Variants in NALF2 observed in about 807,000 individuals in gnomAD.
NALF2 encodes the protein bB57D9.1 (TED protein).
A neutral mutation model predicts 24.8 loss-of-function variants in NALF2; 1 was observed. The ratio of observed to expected loss-of-function variants is 0.04; its 90% CI spans 0.01 to 0.19. The LOEUF (loss-of-function observed/expected upper bound fraction) is 0.19, where lower values mean the gene tolerates loss of function less well. Ranked by LOEUF, NALF2 falls within the 10% of genes least tolerant of loss-of-function variation. The pLI is 1.00. For missense variants in NALF2, 458 were observed against 409.6 expected (o/e 1.12, Z -1.02); for synonymous variants, 254 against 189.8 (o/e 1.34, Z -2.78).
At chrX:69,515,080 C>T (rs887245351) in intron 1 of NALF2, among the ~76,000 whole-genome samples, 1 of 112,082 alleles carries the variant, frequency 8.9e-6, no homozygotes, top group Admixed American at 9.4e-5. Flanking sequence ...TTCTTTTTTA[C>T]GAATAAATGC....
chrX:69,506,229 C>G lies in NALF2; in HGVS notation c.861+86C>G, dbSNP rs1930484817. 1.5e-5 allele frequency: 15 copies of G among 1,016,624 alleles called. 1 individual carries two copies. The South Asian group carries it at 3.0e-4, about 20-fold the overall frequency. 83.8% of individuals were successfully genotyped at this position (1,016,624 alleles called of 1,213,427 possible). ...GACCGGGAGAAAAAAGGAAGTCTCC[C>G]TTTCTACCCACCCCACCACTCCCAC... On this transcript the variant is annotated intron_variant, in intron 1 of 2. Transcript: ENST00000252338.
rs773624045 is a variant in NALF2 at position 69,522,594 on chromosome X, A to G, written c.862-6399A>G. On this transcript the variant is annotated intron_variant, in intron 1 of 2. Coordinates refer to ENST00000252338, the MANE Select transcript of NALF2 (RefSeq NM_015686.3). Reference sequence around the variant, plus strand: ...TTTACAGCCACTTAAGTAGAACCCTATTATCCACCTGGATTTGCCCTTTAA... The same window carrying G: ...TTTACAGCCACTTAAGTAGAACCCTGTTATCCACCTGGATTTGCCCTTTAA... 7.1e-5 allele frequency among the ~76,000 whole-genome samples: 8 copies of G among 112,187 alleles called. No individual in the cohort carries two copies. In the South Asian group the frequency reaches 1.1e-3, roughly 16 times the overall value.
In NALF2 at chrX:69,505,532, G is replaced by T. The variant is rs887008201; in HGVS notation, c.250G>T (p.Ala84Ser). Residue 84 changes from alanine (A) to serine (S), a missense_variant, in exon 1 of 3, where the codon GCC becomes TCC. Transcript: ENST00000252338. The stretch of plus-strand genomic sequence containing the variant: ...CAGCGCCATGCGGCCCCCATGGGGG[G>T]CCGGCCGGGAGCGGCAGCCGGTGCC... ...LSSAMRPPWG[A>S]GRERQPVPPR... 62 of 961,534 alleles carry T rather than the reference G, an allele frequency of 6.4e-5. No homozygotes were observed. The highest frequency in any genetic ancestry group is 7.2e-5 in the Non-Finnish European group (56 of 775,582). The allele number at this position is 961,534 out of a possible 1,213,427, so 79.2% of individuals were successfully genotyped here.
At chrX:69,513,156 C>T (rs376651212) in intron 1 of NALF2, among the ~76,000 whole-genome samples, 1 of 111,740 alleles carries the variant, frequency 8.9e-6, no homozygotes, top group Non-Finnish European at 1.9e-5. Flanking sequence ...AAGCAGAGCA[C>T]GAGGGGAGAA....
At position 69,529,137 on chromosome X, in the gene NALF2, G is replaced by A. The variant is rs759562149; in HGVS notation, c.1006G>A (p.Gly336Arg). The change falls in exon 2 of 3, where the codon GGA (glycine) becomes AGA (arginine). Residue 336 changes from glycine (G) to arginine (R), a missense_variant. Gly to Arg is a moderately radical substitution (Grantham distance 125). Coordinates refer to ENST00000252338, the MANE Select transcript of NALF2 (RefSeq NM_015686.3). ...ILPDNEEMVY[G>R]GLPGFICTGL... ...CCCCGACAATGAGGAAATGGTGTAC[G>A]GAGGGCTCCCTGGCTTTATCTGTAC... 2 of 1,210,423 alleles carry A rather than the reference G, an allele frequency of 1.7e-6. No homozygotes were observed. The highest frequency in any genetic ancestry group is 1.8e-5 in the South Asian group (1 of 56,588).
chrX:69,512,702 G>A (rs1429776443), intron 1 of NALF2, among the ~76,000 whole-genome samples: 1 of 111,973 alleles, frequency 8.9e-6, no homozygotes, highest in Non-Finnish European at 1.9e-5. Context: ...GAGGCTCAGT[G>A]AGGTGAAATG....
Position 69,530,689 on chromosome X carries a change from G to C in NALF2, c.*733G>C, listed in dbSNP as rs181419270. On this transcript the variant is annotated 3_prime_UTR_variant, in exon 3 of 3. Transcript: ENST00000252338. ...TGAAGACATGGCCGAATAGGCTACT[G>C]CCACCCGGCTTTGGGGAGATGGGCG... The C allele has an allele frequency of 8.9e-6, 1 of 112,777 alleles. No individual in the cohort carries two copies. Among genetic ancestry groups the C allele is most frequent in the Non-Finnish European group, 1.9e-5 (1 of 53,290 alleles). The allele number at this position is 112,777 out of a possible 1,213,427, so 9.3% of individuals were successfully genotyped here.
intron 1 of NALF2, among the ~76,000 whole-genome samples, chrX:69,509,182 G>A (rs988767363): frequency 3.6e-5 from 4 of 111,205 alleles, no homozygotes; most frequent in East Asian, 2.8e-4. Flanking sequence ...GCCCTTCCCC[G>A]CCCTGGCCTC....
intron 1 of NALF2, among the ~76,000 whole-genome samples, chrX:69,510,880 T>TCAAA (rs55971814): frequency 1.8e-5 from 2 of 109,969 alleles, no homozygotes; most frequent in Admixed American, 1.9e-4. Context: ...TTGGACCCAG[T>TCAAA]GACAATCACT....
chrX:69,505,392 C>G lies in NALF2; in HGVS notation c.110C>G (p.Ser37Cys), dbSNP rs376266632. Residue 37 changes from serine to cysteine, a missense_variant, in exon 1 of 3, where the codon TCC becomes TGC. By Grantham distance (112) the Ser-to-Cys change is moderately radical (BLOSUM62 -1). Transcript: ENST00000252338. ...CCGAGCGACAAACCTTGCGCCGACT[C>G]CGAGCGGGCGCAGCGATGGCGACTG... is the stretch of plus-strand genomic sequence containing the variant. ...PRPSDKPCAD[S>C]ERAQRWRLSL... 8.6e-7 allele frequency: 1 copy of G among 1,159,119 alleles called. No individual in the cohort carries two copies.
intron 1 of NALF2, among the ~76,000 whole-genome samples, chrX:69,519,728 AG>A (rs756148541): frequency 1.8e-5 from 2 of 112,615 alleles, no homozygotes; most frequent in East Asian, 5.6e-4. Flanking sequence ...AGGCTAACAG[AG>A]GACTGGAAAC....
At chrX:69,525,310 G>A (rs1569260311) in intron 1 of NALF2, among the ~76,000 whole-genome samples, 1 of 111,432 alleles carries the variant, frequency 9.0e-6, no homozygotes, top group Non-Finnish European at 1.9e-5. Context: ...GGAGGGGGCC[G>A]ATTGCACACA....
At position 69,529,987 on chromosome X, in the gene NALF2, A is replaced by G. The variant is rs898129188; in HGVS notation, c.*31A>G. On this transcript the variant is annotated 3_prime_UTR_variant, in exon 3 of 3. Coordinates refer to ENST00000252338, the MANE Select transcript of NALF2 (RefSeq NM_015686.3). The stretch of plus-strand genomic sequence containing the variant: ...GGGAGGGAGGACAGACCTCCACCAC[A>G]CTGACATCAGCTCCAGCTCCCCCAG... The G allele has an allele frequency of 1.0e-5, 11 of 1,088,659 alleles. No homozygotes were observed. Among genetic ancestry groups the G allele is most frequent in the Non-Finnish European group, 1.2e-5 (10 of 811,930 alleles). The allele number at this position is 1,088,659 out of a possible 1,213,427, so 89.7% of individuals were successfully genotyped here.
chrX:69,522,700 T>G (rs189242800), intron 1 of NALF2, among the ~76,000 whole-genome samples: 19 of 112,205 alleles, frequency 1.7e-4, no homozygotes, highest in Admixed American at 6.6e-4. Context: ...CTTCCTCTGG[T>G]TGAGGAGACT....
At chrX:69,521,625 G>A (rs1011669301) in intron 1 of NALF2, among the ~76,000 whole-genome samples, 1 of 112,272 alleles carries the variant, frequency 8.9e-6, no homozygotes, top group Non-Finnish European at 1.9e-5. Flanking sequence ...ATAAAGTGTT[G>A]AATATGTCAT....
intron 2 of NALF2, among the ~76,000 whole-genome samples, 157 bp downstream of exon 2, chrX:69,529,321 G>C (rs767599697): frequency 3.1e-4 from 35 of 111,398 alleles, no homozygotes; most frequent in Middle Eastern, 4.6e-3. Context: ...TTGGGATAGG[G>C]CCAAGTGGAA....
chrX:69,521,748 G>A (rs1035476269), intron 1 of NALF2, among the ~76,000 whole-genome samples: 38 of 112,170 alleles, frequency 3.4e-4, no homozygotes, highest in African/African-American at 1.2e-3. Context: ...AGTTGAAAAA[G>A]TGTAAGTTGA....
chrX:69,521,228 C>T (rs746651318), intron 1 of NALF2, among the ~76,000 whole-genome samples: 2 of 111,758 alleles, frequency 1.8e-5, no homozygotes, highest in African/African-American at 6.5e-5. Context: ...CACTTCCAGG[C>T]CTTTATGCCT....
In NALF2 at chrX:69,530,614, A is replaced by C. The variant is rs1177979178; in HGVS notation, c.*658A>C. ...GGGTACAGAATGAATGGTGAAAGAGAGTGGAGATACGGAAGGGGGAGAGGA... is the reference window on the plus strand; with the variant it reads ...GGGTACAGAATGAATGGTGAAAGAGCGTGGAGATACGGAAGGGGGAGAGGA... On this transcript the variant is annotated 3_prime_UTR_variant, in exon 3 of 3. Transcript: ENST00000252338. 1 of 112,530 alleles carries C rather than the reference A, an allele frequency of 8.9e-6. No homozygotes were observed. Among genetic ancestry groups the C allele is most frequent in the Non-Finnish European group, 1.9e-5 (1 of 53,342 alleles). The allele number at this position is 112,530 out of a possible 1,213,427, so 9.3% of individuals were successfully genotyped here. A position where few individuals can be genotyped will look rare whatever the true frequency, so the allele number is the denominator to read the frequency against.
Sources: allele counts gnomAD v4.1 joint callset (sites outside exome capture counted in the v4.1 genomes callset), GRCh38; gene constraint gnomAD v4.1.1; transcripts MANE v1.5; gene names NCBI Gene and HGNC (gene_info 2026-07-23, HGNC 2026-07-21).